Variants in CNTN5 observed in about 807,000 individuals in gnomAD.
CNTN5 encodes the protein contactin 5, also known as contactin-5.
Under a neutral mutation model 129.1 loss-of-function variants are expected in CNTN5, and 77 were observed. The observed-to-expected ratio is 0.60, with a 90% CI of 0.50 to 0.72. CNTN5 has a LOEUF of 0.72. Among genes scored for constraint, CNTN5 ranks in the 30% least tolerant of loss-of-function variants. CNTN5 has a pLI of 0.00. For synonymous variants in CNTN5, 509 were observed against 465.6 expected (o/e 1.09, Z -1.20); for missense variants, 1,478 against 1,328.8 (o/e 1.11, Z -1.75).
intron 4 of CNTN5, among the ~76,000 whole-genome samples, chr11:99,832,254 C>A (rs1244063192): frequency 6.6e-6 from 1 of 152,114 alleles, no homozygotes; most frequent in African/African-American, 2.4e-5. Context: ...TATAACATAA[C>A]CACATTTAAC....
In CNTN5 at chr11:99,180,851, G is replaced by A. The variant is rs117116404; in HGVS notation, c.-209-144495G>A. On this transcript the variant is annotated intron_variant, in intron 1 of 24. Coordinates refer to ENST00000524871, the MANE Select transcript of CNTN5 (RefSeq NM_014361.4). ...CTTTGCAAGGAGAGTCATATTGTGAGAATTGCCAGTGATATACACATAAGA... is the reference window on the plus strand; with the variant it reads ...CTTTGCAAGGAGAGTCATATTGTGAAAATTGCCAGTGATATACACATAAGA... Among the ~76,000 whole-genome samples, 59 of 152,328 alleles carry A rather than the reference G, an allele frequency of 3.9e-4. No individual in the cohort carries two copies. The East Asian group carries it at 0.01, about 27-fold the overall frequency.
chr11:99,842,392 A>T (rs183197665), intron 4 of CNTN5, among the ~76,000 whole-genome samples: 1 of 152,360 alleles, frequency 6.6e-6, no homozygotes, highest in Admixed American at 6.5e-5. Context: ...CAGTGCTTGC[A>T]ATATACAAGG....
At chr11:99,158,613 G>A (rs1860448948) in intron 1 of CNTN5, among the ~76,000 whole-genome samples, 1 of 152,016 alleles carries the variant, frequency 6.6e-6, no homozygotes, top group Non-Finnish European at 1.5e-5. Flanking sequence ...TGAACGCGAG[G>A]TACCTAAGAA....
chr11:99,433,356 T>C (rs1210255986), intron 2 of CNTN5, among the ~76,000 whole-genome samples: 6 of 46,112 alleles, frequency 1.3e-4, no homozygotes, highest in Admixed American at 2.2e-4. Context: ...TTGTAGTTTA[T>C]CTGGTAAAAA....
At position 100,020,249 on chromosome 11, in the gene CNTN5, A is replaced by T. The variant is rs531978196; in HGVS notation, c.980+18113A>T. Among the ~76,000 whole-genome samples the T allele has an allele frequency of 2.6e-5, 4 of 152,132 alleles. No homozygotes were observed. In the South Asian group the frequency reaches 8.3e-4, roughly 31 times the overall value. On this transcript the variant is annotated intron_variant, in intron 9 of 24. Transcript: ENST00000524871. Reference sequence around the variant, plus strand: ...GCTTTTTCCTCTGTTTTCTTTCAGCAGTTTTACAGTTTTAGGTCTTACATT... The same window carrying T: ...GCTTTTTCCTCTGTTTTCTTTCAGCTGTTTTACAGTTTTAGGTCTTACATT...
rs763331904 is a variant in CNTN5, at chr11:100,074,144, C to T, written c.1430C>T (p.Ala477Val). The change falls in exon 13 of 25, where the codon GCT (alanine) becomes GTT (valine). Residue 477 changes from alanine (A) to valine (V), a missense_variant and splice_region_variant. Ala to Val is a moderately conservative substitution (Grantham distance 64). Coordinates refer to ENST00000524871, the MANE Select transcript of CNTN5 (RefSeq NM_014361.4). ...IYASAELKIL[A>V]SAPTFALNQL... Reference sequence around the variant, plus strand: ...AAACTAACATTTGCTTTTTTAATAGCTTCAGCTCCCACTTTTGCACTGAAT... The same window carrying T: ...AAACTAACATTTGCTTTTTTAATAGTTTCAGCTCCCACTTTTGCACTGAAT... 3 of 1,610,060 alleles carry T rather than the reference C, an allele frequency of 1.9e-6. No homozygotes were observed. Among genetic ancestry groups the T allele is most frequent in the Non-Finnish European group, 2.5e-6 (3 of 1,178,434 alleles).
At chr11:99,023,688 G>A (rs1862987489) in intron 1 of CNTN5, among the ~76,000 whole-genome samples, 1 of 152,108 alleles carries the variant, frequency 6.6e-6, no homozygotes, top group South Asian at 2.1e-4. Context: ...ATGAGGCTCA[G>A]ATATTTACAA....
At chr11:99,103,199 G>A (rs1186516268) in intron 1 of CNTN5, among the ~76,000 whole-genome samples, 1 of 152,174 alleles carries the variant, frequency 6.6e-6, no homozygotes, top group Non-Finnish European at 1.5e-5. Context: ...GGGAATTATG[G>A]GAGCTGCAAT....
chr11:99,513,785 G>T (rs1006672447), intron 2 of CNTN5, among the ~76,000 whole-genome samples: 1 of 151,982 alleles, frequency 6.6e-6, no homozygotes, highest in African/African-American at 2.4e-5. Flanking sequence ...AAAGCACCTG[G>T]TCATGCAAGA....
chr11:99,290,006 T>C (rs1457503496), intron 1 of CNTN5, among the ~76,000 whole-genome samples: 3 of 151,816 alleles, frequency 2.0e-5, no homozygotes, highest in African/African-American at 7.2e-5. Context: ...TATTCCTTTT[T>C]TTAAATTGTA....
At chr11:99,064,772 A>C (rs889696913) in intron 1 of CNTN5, among the ~76,000 whole-genome samples, 54 of 152,174 alleles carry the variant, frequency 3.5e-4, no homozygotes, top group African/African-American at 1.3e-3. Flanking sequence ...TTGTGTCAAA[A>C]TTAGAACAGC....
intron 7 of CNTN5, among the ~76,000 whole-genome samples, chr11:99,939,453 A>G (rs1011890050): frequency 6.6e-6 from 1 of 152,102 alleles, no homozygotes; most frequent in African/African-American, 2.4e-5. Flanking sequence ...TCTTCACATT[A>G]TTTGCAAGTC....
At chr11:99,334,484 A>T (rs893006161) in intron 2 of CNTN5, among the ~76,000 whole-genome samples, 8 of 152,312 alleles carry the variant, frequency 5.3e-5, no homozygotes, top group African/African-American at 1.9e-4. Context: ...ATAAATACGT[A>T]TAATTATGAT....
intron 1 of CNTN5, among the ~76,000 whole-genome samples, chr11:99,221,412 T>G (rs1860391526): frequency 6.6e-6 from 1 of 151,910 alleles, no homozygotes; most frequent in South Asian, 2.1e-4. Context: ...GATATTATGA[T>G]TTGTTTCTTG....
Position 99,134,282 on chromosome 11 carries a change from A to G in CNTN5, c.-210+113012A>G, listed in dbSNP as rs191059426. On this transcript the variant is annotated intron_variant, in intron 1 of 24. Transcript: ENST00000524871. ...GGGCAAGGCAGGGAGGGCATTAGGG[A>G]AAAGAGCTAATGCATGCTGGGCATA... 1.3e-3 allele frequency among the ~76,000 whole-genome samples: 195 copies of G among 152,222 alleles called. 1 individual carries two copies. Among genetic ancestry groups the G allele is most frequent in the African/African-American group, 4.4e-3 (184 of 41,552 alleles).
intron 2 of CNTN5, among the ~76,000 whole-genome samples, chr11:99,491,319 C>T (rs560117083): frequency 2.0e-4 from 31 of 152,190 alleles, no homozygotes; most frequent in African/African-American, 7.5e-4. Flanking sequence ...GTCTTCAGAG[C>T]AACAAGGCTA....
chr11:99,160,213 G>T (rs868584886), intron 1 of CNTN5, among the ~76,000 whole-genome samples: 1 of 152,198 alleles, frequency 6.6e-6, no homozygotes, highest in African/African-American at 2.4e-5. Flanking sequence ...TAAGCCAGTA[G>T]TGTTACTTTC....
intron 3 of CNTN5, among the ~76,000 whole-genome samples, chr11:99,794,841 A>G (rs1409953613): frequency 1.6e-5 from 2 of 126,818 alleles, no homozygotes; most frequent in African/African-American, 5.5e-5. Context: ...CTTTCTTGCT[A>G]GCTCCACTTA....
At chr11:99,757,142 C>T (rs75465925) in intron 3 of CNTN5, among the ~76,000 whole-genome samples, 5 of 151,934 alleles carry the variant, frequency 3.3e-5, no homozygotes, top group Admixed American at 1.3e-4. Context: ...GTGATCCATT[C>T]GTTTCTCTTA....
Sources: gnomAD v4.1 joint callset for allele counts (sites outside exome capture counted in the v4.1 genomes callset) on GRCh38, gnomAD v4.1.1 for gene constraint, MANE v1.5 for transcripts, NCBI Gene and HGNC (gene_info 2026-07-23, HGNC 2026-07-21) for gene names.